SLC35A1: variants seen among roughly 807,000 people sequenced by gnomAD.
SLC35A1 encodes the protein solute carrier family 35 member A1, also known as CMP-sialic acid transporter.
In SLC35A1, 21 loss-of-function variants were observed where a neutral mutation model predicts 40.3. The ratio of observed to expected loss-of-function variants is 0.52; its 90% CI spans 0.37 to 0.75. The LOEUF (loss-of-function observed/expected upper bound fraction) is 0.75, where lower values mean the gene tolerates loss of function less well. Ranked by LOEUF, SLC35A1 falls within the 30% of genes least tolerant of loss-of-function variation. The probability of loss-of-function intolerance (pLI) is 0.00; values close to 1 mark genes in which losing one functional copy is unlikely to be tolerated. For synonymous variants in SLC35A1, 146 were observed against 147.3 expected (o/e 0.99, Z 0.06); for missense variants, 297 against 382.1 (o/e 0.78, Z 1.86).
At chr6:87,507,491 G>T (rs1439069142) in intron 5 of SLC35A1, among the ~76,000 whole-genome samples, 2 of 152,108 alleles carry the variant, frequency 1.3e-5, no homozygotes, top group Admixed American at 1.3e-4. Context: ...ATATCTCTCT[G>T]TGTTTACGGT....
intron 2 of SLC35A1, among the ~76,000 whole-genome samples, chr6:87,495,838 G>A (rs1030073947): frequency 1.3e-5 from 2 of 151,860 alleles, no homozygotes; most frequent in Non-Finnish European, 2.9e-5. Context: ...TGTATTTTTA[G>A]TAGAGACAGG....
At chr6:87,479,421 G>A (rs1161205537) in intron 2 of SLC35A1, among the ~76,000 whole-genome samples, 2 of 152,168 alleles carry the variant, frequency 1.3e-5, no homozygotes, top group African/African-American at 2.4e-5. Flanking sequence ...CAGCTGTGAG[G>A]GAAGTAAGAA....
rs1403209225 is a variant in SLC35A1, at chr6:87,509,118, G to T, written c.829G>T (p.Ala277Ser). Residue 277 changes from alanine to serine, a missense_variant, in exon 7 of 8, where the codon GCA becomes TCA. Transcript: ENST00000369552. ...CAACATCATGAAAGGCTTTTCTGCA[G>T]CAGCGGCCATTGTCCTTTCCACCAT... is the stretch of plus-strand genomic sequence containing the variant. ...TDNIMKGFSAAAAIVLSTIAS... is the reference protein window; with the variant it reads ...TDNIMKGFSASAAIVLSTIAS... 1 of 1,614,122 alleles carries T rather than the reference G, an allele frequency of 6.2e-7. No homozygotes were observed. Among genetic ancestry groups the T allele is most frequent in the Non-Finnish European group, 8.5e-7 (1 of 1,179,976 alleles).
At chr6:87,502,962 T>C (rs548509652) in intron 4 of SLC35A1, among the ~76,000 whole-genome samples, 2 of 152,350 alleles carry the variant, frequency 1.3e-5, no homozygotes, top group African/African-American at 4.8e-5. Context: ...TTTGTATTTA[T>C]TAAGCTCTTC....
intron 2 of SLC35A1, chr6:87,488,492 G>A (rs1276702224): frequency 2.6e-5 from 4 of 152,194 alleles, no homozygotes; most frequent in African/African-American, 9.6e-5. Context: ...ACAGTACAGA[G>A]AAGATAGCAT....
chr6:87,479,939 G>A (rs1438111701), intron 2 of SLC35A1, among the ~76,000 whole-genome samples: 1 of 152,176 alleles, frequency 6.6e-6, no homozygotes, highest in Non-Finnish European at 1.5e-5. Context: ...ACTTTATGAT[G>A]TCTTATTTTT....
chr6:87,480,665 C>T (rs1441043281), intron 2 of SLC35A1, among the ~76,000 whole-genome samples: 1 of 152,202 alleles, frequency 6.6e-6, no homozygotes, highest in Non-Finnish European at 1.5e-5. Context: ...TTTCCAGTGA[C>T]TTCTGCTCCT....
intron 1 of SLC35A1, among the ~76,000 whole-genome samples, chr6:87,473,613 G>C (rs1177078134): frequency 4.7e-5 from 4 of 85,038 alleles, no homozygotes; most frequent in Admixed American, 1.4e-4. Context: ...AGAGAATGCT[G>C]TATGCTGCTA....
In SLC35A1 at chr6:87,511,871, G is replaced by A; in HGVS notation, c.*345G>A. On this transcript the variant is annotated 3_prime_UTR_variant, in exon 8 of 8. Coordinates refer to ENST00000369552, the MANE Select transcript of SLC35A1 (RefSeq NM_006416.5). ...TAACAAGGTTTGGGACAATGTCTAA[G>A]GGTTAAAGTGCCAAAGCCATTTCTG... The A allele has an allele frequency of 3.1e-6, 1 of 326,362 alleles. No individual in the cohort carries two copies. Among genetic ancestry groups the A allele is most frequent in the Non-Finnish European group, 5.9e-6 (1 of 168,890 alleles). The allele number at this position is 326,362 out of a possible 1,614,324, so 20.2% of individuals were successfully genotyped here. A position where few individuals can be genotyped will look rare whatever the true frequency, so the allele number is the denominator to read the frequency against.
chr6:87,479,867 G>A (rs537488416), intron 2 of SLC35A1, among the ~76,000 whole-genome samples: 1 of 152,256 alleles, frequency 6.6e-6, no homozygotes, highest in South Asian at 2.1e-4. Flanking sequence ...GGTATTCCCC[G>A]TGGGACTCCA....
At chr6:87,495,454 T>C (rs1769697940) in intron 2 of SLC35A1, among the ~76,000 whole-genome samples, 1 of 152,222 alleles carries the variant, frequency 6.6e-6, no homozygotes, top group Non-Finnish European at 1.5e-5. Flanking sequence ...GAGAAATTAA[T>C]GTATCTGTCA....
chr6:87,487,557 G>A (rs1436209022), intron 2 of SLC35A1, among the ~76,000 whole-genome samples: 1 of 152,028 alleles, frequency 6.6e-6, no homozygotes, highest in African/African-American at 2.4e-5. Context: ...TGAACTCATG[G>A]CCAACAGCAC....
At chr6:87,476,295 T>A (rs1456475172) in intron 1 of SLC35A1, among the ~76,000 whole-genome samples, 1 of 152,254 alleles carries the variant, frequency 6.6e-6, no homozygotes, top group Admixed American at 6.5e-5. Context: ...GTTCTTATTG[T>A]GAAAAAGTTT....
chr6:87,486,803 C>T (rs900552136), intron 2 of SLC35A1, among the ~76,000 whole-genome samples: 1 of 152,158 alleles, frequency 6.6e-6, no homozygotes, highest in African/African-American at 2.4e-5. Flanking sequence ...TGAGATGAAG[C>T]AGGAGAGGTC....
intron 2 of SLC35A1, among the ~76,000 whole-genome samples, chr6:87,491,187 G>A (rs564009343): frequency 1.3e-5 from 2 of 152,194 alleles, no homozygotes; most frequent in African/African-American, 2.4e-5. Flanking sequence ...AATTTGATAC[G>A]AGCATCCCAA....
At position 87,501,145 on chromosome 6, in the gene SLC35A1, CTCTT is replaced by C. The variant is rs750153505; in HGVS notation, c.355-11_355-8del. On this transcript the variant is annotated splice_polypyrimidine_tract_variant and intron_variant, in intron 3 of 7. Transcript: ENST00000369552. ...CATTAACTGAATTTATTAATTCATT[CTCTT>C]TTTTTTAGGTGACCTACCAGTTGAA... is the stretch of plus-strand genomic sequence containing the variant. The C allele has an allele frequency of 1.4e-5, 22 of 1,600,960 alleles. No individual in the cohort carries two copies. The highest frequency in any genetic ancestry group is 8.0e-5 in the African/African-American group (6 of 74,618).
intron 2 of SLC35A1, among the ~76,000 whole-genome samples, chr6:87,478,294 C>T (rs916432701): frequency 6.6e-6 from 1 of 152,156 alleles, no homozygotes; most frequent in Non-Finnish European, 1.5e-5. Context: ...TGGCTGCATA[C>T]ACACTTGTAA....
At chr6:87,487,892 G>A (rs1309378847) in intron 2 of SLC35A1, among the ~76,000 whole-genome samples, 1 of 152,132 alleles carries the variant, frequency 6.6e-6, no homozygotes, top group African/African-American at 2.4e-5. Flanking sequence ...CATTGATTTG[G>A]GGGTTACAGA....
intron 4 of SLC35A1, among the ~76,000 whole-genome samples, chr6:87,504,517 A>C (rs1266640628): frequency 1.3e-5 from 2 of 152,078 alleles, no homozygotes; most frequent in Admixed American, 6.5e-5. Flanking sequence ...AGTAACTCTT[A>C]ATCTCTCTTG....
Sources: allele counts gnomAD v4.1 joint callset (sites outside exome capture counted in the v4.1 genomes callset), GRCh38; gene constraint gnomAD v4.1.1; transcripts MANE v1.5; gene names NCBI Gene and HGNC (gene_info 2026-07-23, HGNC 2026-07-21).